The following SRC variants were observed in gnomAD, a reference collection of about 807,000 sequenced individuals.
SRC encodes proto-oncogene tyrosine-protein kinase Src.
A neutral mutation model predicts 62.9 loss-of-function variants in SRC; 13 were observed. The observed-to-expected ratio is 0.21, with a 90% confidence interval of 0.13 to 0.33. The LOEUF is 0.33. Among genes scored for constraint, SRC ranks in the 10% least tolerant of loss-of-function variants. SRC has a pLI of 1.00. For synonymous variants in SRC, 302 were observed against 317.5 expected, an observed-to-expected ratio of 0.95 and a Z score of 0.52; for missense variants, 457 against 737.3, an observed-to-expected ratio of 0.62 and a Z score of 4.40.
At position 37,402,181 on chromosome 20, in the gene SRC, G is replaced by C. The variant is rs1416556404; in HGVS notation, c.1117-254G>C. The C allele has an allele frequency of 2.3e-6, 1 of 444,354 alleles. No homozygotes were observed. Among genetic ancestry groups the C allele is most frequent in the Middle Eastern group, 5.7e-4 (1 of 1,764 alleles). The allele number at this position is 444,354 out of a possible 1,614,324, so 27.5% of individuals were successfully genotyped here. A position where few individuals can be genotyped will look rare whatever the true frequency, so the allele number is the denominator to read the frequency against. ...TTTCCCTGGTCACCTCGCTTTCCTGGCTGCATCGGATCTCGTGCCTCCCCT... is the reference window on the plus strand; with the variant it reads ...TTTCCCTGGTCACCTCGCTTTCCTGCCTGCATCGGATCTCGTGCCTCCCCT... On this transcript the variant is annotated intron_variant, in intron 11 of 13. Transcript: ENST00000373578. The surrounding 1 kb of genome is among the most constrained non-coding windows in gnomAD (Gnocchi z 6.2).
intron 2 of SRC, among the ~76,000 whole-genome samples, chr20:37,382,116 C>A (rs1336493754): frequency 6.6e-6 from 1 of 152,208 alleles, no homozygotes; most frequent in Non-Finnish European, 1.5e-5. Flanking sequence ...CTCATGGGTT[C>A]TCAGAGGAAA....
chr20:37,383,387 C>T (rs974112378), intron 3 of SRC, among the ~76,000 whole-genome samples: 9 of 152,204 alleles, frequency 5.9e-5, no homozygotes, highest in Non-Finnish European at 1.5e-5. Flanking sequence ...ATGGCCTTGG[C>T]TGCCACTTTT....
rs1416821232 is a variant in SRC at position 37,346,161 on chromosome 20, C to A, written c.-341C>A. The A allele has an allele frequency of 1.3e-5, 2 of 152,140 alleles. No individual in the cohort carries two copies. The highest frequency in any genetic ancestry group is 3.0e-5 in the Non-Finnish European group (2 of 67,672). The allele number at this position is 152,140 out of a possible 1,614,324, so 9.4% of individuals were successfully genotyped here. The stretch of plus-strand genomic sequence containing the variant: ...ATCCATTCCGGCCTGGGAGCCGGAG[C>A]GGCCAGGCCGCCGTCTGCCCGTCCC... On this transcript the variant is annotated 5_prime_UTR_variant, in exon 1 of 14. Coordinates refer to ENST00000373578, the MANE Select transcript of SRC (RefSeq NM_198291.3).
At position 37,403,118 on chromosome 20, in the gene SRC, C is replaced by G; in HGVS notation, c.1403-53C>G. 4 of 1,481,052 alleles carry G rather than the reference C, an allele frequency of 2.7e-6. No individual in the cohort carries two copies. Among genetic ancestry groups the G allele is most frequent in the Non-Finnish European group, 3.6e-6 (4 of 1,112,526 alleles). 91.7% of individuals were successfully genotyped at this position (1,481,052 alleles called of 1,614,324 possible). A position where few individuals can be genotyped will look rare whatever the true frequency, so the allele number is the denominator to read the frequency against. ...CGCTGCCCTCCCCATCAGCTTCCCC[C>G]ACCCCACTTTCCTCACCGGAGCCGG... On this transcript the variant is annotated intron_variant, in intron 13 of 13. Coordinates refer to ENST00000373578, the MANE Select transcript of SRC (RefSeq NM_198291.3). The surrounding 1 kb of genome is among the most constrained non-coding windows in gnomAD (Gnocchi z 7.1).
chr20:37,395,375 G>C (rs1262531742), intron 7 of SRC, among the ~76,000 whole-genome samples: 1 of 152,252 alleles, frequency 6.6e-6, no homozygotes, highest in Non-Finnish European at 1.5e-5. Flanking sequence ...GCCTGTCCCT[G>C]GCTGCTGGAG....
intron 9 of SRC, among the ~76,000 whole-genome samples, chr20:37,399,825 C>T (rs1337582869): frequency 1.3e-5 from 2 of 152,160 alleles, no homozygotes; most frequent in East Asian, 1.9e-4. Context: ...GGATTACAGG[C>T]GTGAGCCACC....
At chr20:37,372,488 C>T (rs1269002541) in intron 2 of SRC, among the ~76,000 whole-genome samples, 1 of 151,964 alleles carries the variant, frequency 6.6e-6, no homozygotes, top group African/African-American at 2.4e-5. Flanking sequence ...TTTAATTTTC[C>T]AAATTTCTTT....
At chr20:37,355,754 GA>G (rs1254865593) in intron 1 of SRC, among the ~76,000 whole-genome samples, 2 of 151,922 alleles carry the variant, frequency 1.3e-5, no homozygotes, top group Non-Finnish European at 2.9e-5. Flanking sequence ...GAGCTCATGA[GA>G]AAAAAAAGAA....
In SRC at chr20:37,398,104, T is replaced by C. The variant is rs1039292576; in HGVS notation, c.859+250T>C. ...AGGGCTGGGCATTGCACAGACCTGC[T>C]GTGTAGGCTGGGCCCGGTGGCCTCA... On this transcript the variant is annotated intron_variant, in intron 9 of 13. Coordinates refer to ENST00000373578, the MANE Select transcript of SRC (RefSeq NM_198291.3). The surrounding 1 kb of genome is among the most constrained non-coding windows in gnomAD (Gnocchi z 5.2). 2.0e-5 allele frequency among the ~76,000 whole-genome samples: 3 copies of C among 152,178 alleles called. No individual in the cohort carries two copies. The highest frequency in any genetic ancestry group is 4.4e-5 in the Non-Finnish European group (3 of 68,030).
Position 37,397,452 on chromosome 20 carries a change from G to T in SRC, c.704-247G>T, listed in dbSNP as rs1601016124. Among the ~76,000 whole-genome samples, 2 of 152,332 alleles carry T rather than the reference G, an allele frequency of 1.3e-5. No homozygotes were observed. The highest frequency in any genetic ancestry group is 1.3e-4 in the Admixed American group (2 of 15,300). On this transcript the variant is annotated intron_variant, in intron 8 of 13. Coordinates refer to ENST00000373578, the MANE Select transcript of SRC (RefSeq NM_198291.3). The surrounding 1 kb of genome is among the most constrained non-coding windows in gnomAD (Gnocchi z 4.1). ...CCTGGACATGTTCCCTCCCCGCAGG[G>T]TTCCTGGCACCCCCTACTGTCTGCT... is the stretch of plus-strand genomic sequence containing the variant.
chr20:37,348,969 C>T (rs868776664), intron 1 of SRC, among the ~76,000 whole-genome samples: 4 of 152,050 alleles, frequency 2.6e-5, no homozygotes, highest in Admixed American at 6.5e-5. Context: ...GAGGCTGGAG[C>T]GTGCACAATG....
intron 2 of SRC, among the ~76,000 whole-genome samples, chr20:37,365,706 T>C (rs2070053022): frequency 6.6e-6 from 1 of 152,038 alleles, no homozygotes; most frequent in Non-Finnish European, 1.5e-5. Context: ...CACCTCAGTG[T>C]CCCAAGGAGC....
chr20:37,346,658 C>A (rs1017153651), intron 1 of SRC, among the ~76,000 whole-genome samples: 2 of 151,814 alleles, frequency 1.3e-5, no homozygotes. Flanking sequence ...CCTGCGCCCC[C>A]CGGCCCCGGG....
At chr20:37,393,691 CA>C in intron 5 of SRC, 1 of 564,212 alleles carries the variant, frequency 1.8e-6, no homozygotes, top group Non-Finnish European at 3.2e-6. Context: ...CCAGCTTTGG[CA>C]AAAAGGCGTC....
At chr20:37,372,511 TCTTA>T (rs982004083) in intron 2 of SRC, among the ~76,000 whole-genome samples, 74 of 152,336 alleles carry the variant, frequency 4.9e-4, no homozygotes, top group African/African-American at 1.7e-3. Context: ...GTTATTGATT[TCTTA>T]CTTCATTCTA....
At chr20:37,353,173 A>G (rs2069832209) in intron 1 of SRC, among the ~76,000 whole-genome samples, 1 of 152,132 alleles carries the variant, frequency 6.6e-6, no homozygotes. Context: ...AGACAGACAG[A>G]ACCACCGTAA....
At chr20:37,382,091 G>C (rs373989625) in intron 2 of SRC, among the ~76,000 whole-genome samples, 2 of 152,174 alleles carry the variant, frequency 1.3e-5, no homozygotes, top group East Asian at 3.9e-4. Context: ...AGCCAGTCAG[G>C]GGGCCTTTTC....
At chr20:37,372,201 A>G (rs6018107) in intron 2 of SRC, among the ~76,000 whole-genome samples, 37,782 of 151,464 alleles carry the variant, frequency 0.25, 7,425 homozygotes, top group African/African-American at 0.55. Flanking sequence ...AGAGATGGGG[A>G]TTTCACCATC....
chr20:37,384,529 G>T lies in SRC; in HGVS notation c.250+126G>T. The T allele has an allele frequency of 2.0e-6, 2 of 999,744 alleles. No individual in the cohort carries two copies. Among genetic ancestry groups the T allele is most frequent in the Non-Finnish European group, 2.6e-6 (2 of 780,300 alleles). The allele number at this position is 999,744 out of a possible 1,614,324, so 61.9% of individuals were successfully genotyped here. On this transcript the variant is annotated intron_variant, in intron 4 of 13. Coordinates refer to ENST00000373578, the MANE Select transcript of SRC (RefSeq NM_198291.3). This position sits in a 1 kb window ranked among gnomAD's most constrained non-coding sequence, Gnocchi z 6.7. ...CTCTCGCCAGGGGTAGCGCCCCTGG[G>T]TGACTTGGGTGTCCGGGGGGTGGGG...
Sources: allele counts gnomAD v4.1 joint callset (sites outside exome capture counted in the v4.1 genomes callset), GRCh38; gene constraint gnomAD v4.1.1; non-coding constraint Gnocchi (gnomAD v3.1); transcripts MANE v1.5; gene names NCBI Gene and HGNC (gene_info 2026-07-23, HGNC 2026-07-21).